Variants in RDH13 observed in about 807,000 individuals in gnomAD.
RDH13 encodes retinol dehydrogenase 13 (all-trans and 9-cis).
A neutral mutation model predicts 28.3 loss-of-function variants in RDH13; 35 were observed. The ratio of observed to expected loss-of-function variants is 1.24; its 90% CI spans 0.95 to 1.64. The LOEUF is 1.64. RDH13 is among the 40% of genes most tolerant of loss of function. The probability of loss-of-function intolerance (pLI) is 0.00; values close to 1 mark genes in which losing one functional copy is unlikely to be tolerated. For missense variants in RDH13, 514 were observed against 446.3 expected (o/e 1.15, Z -1.37); for synonymous variants, 229 against 198.5 (o/e 1.15, Z -1.29).
At chr19:55,043,529 GT>G (rs2075099599), downstream of RDH13, among the ~76,000 whole-genome samples, 1 of 46,434 alleles carries the variant, frequency 2.2e-5, no homozygotes, top group South Asian at 5.8e-4. Flanking sequence ...TTAGCCAGGT[GT>G]GGTGGTGGGC....
intron 1 of RDH13, 108 bp downstream of exon 1, chr19:55,062,860 G>T: frequency 2.0e-6 from 2 of 1,007,062 alleles, no homozygotes; most frequent in Non-Finnish European, 2.7e-6. Flanking sequence ...CGGGTCGGGA[G>T]CTACGGGGCC....
chr19:55,052,829 T>A (rs901308679), intron 3 of RDH13, among the ~76,000 whole-genome samples: 4 of 151,860 alleles, frequency 2.6e-5, no homozygotes, highest in Non-Finnish European at 4.4e-5. Context: ...CCCGGCTAAT[T>A]TTTTTGTGTT....
chr19:55,056,345 C>T (rs1314592192), intron 3 of RDH13, among the ~76,000 whole-genome samples: 1 of 152,114 alleles, frequency 6.6e-6, no homozygotes, highest in Non-Finnish European at 1.5e-5. Flanking sequence ...GCATCTTAAT[C>T]CCAGCTACTC....
intron 3 of RDH13, among the ~76,000 whole-genome samples, chr19:55,054,777 T>C (rs1472896829): frequency 6.6e-6 from 1 of 151,342 alleles, no homozygotes; most frequent in Admixed American, 6.6e-5. Flanking sequence ...AAGGTCTCAC[T>C]ATGCTTCCTA....
upstream of RDH13, chr19:55,063,383 T>A (rs143152047): frequency 2.4e-5 from 7 of 294,440 alleles, no homozygotes; most frequent in Admixed American, 3.1e-4. Flanking sequence ...TGGAGTGAAA[T>A]AGGTTCGAAT....
At chr19:55,051,901 T>G (rs547617627) in intron 3 of RDH13, among the ~76,000 whole-genome samples, 3 of 151,842 alleles carry the variant, frequency 2.0e-5, no homozygotes, top group African/African-American at 7.3e-5. Context: ...GCAGCTACTT[T>G]TAAAATTTTT....
downstream of RDH13, chr19:55,043,057 C>G (rs1183611326): frequency 2.0e-5 from 3 of 152,292 alleles, no homozygotes; most frequent in African/African-American, 7.2e-5. Context: ...AGTTGCCTAC[C>G]AGACTCAGGT....
At chr19:55,050,728 G>A (rs2075400171) in intron 3 of RDH13, 1 of 152,182 alleles carries the variant, frequency 6.6e-6, no homozygotes, top group South Asian at 2.1e-4. Context: ...GCTGAGGGAT[G>A]GGGGTTCAGG....
At chr19:55,041,190 G>A (rs964030565), downstream of RDH13, 3 of 152,258 alleles carry the variant, frequency 2.0e-5, no homozygotes, top group African/African-American at 7.2e-5. Flanking sequence ...TGCCCAGGCT[G>A]GTCTTGAACT....
rs1380371922 is a variant in RDH13, at chr19:55,045,283, T to G, written c.787A>C (p.Ser263Arg). ...CTGGGCTGGGCGGCCAGCTCGGGGC[T>G]CTTGACCAGCAGCCAGAAGATGGGC... ...LGPIFWLLVK[S>R]PELAAQPSTY... Residue 263 changes from serine to arginine, a missense_variant, in exon 7 of 7, where the codon AGC becomes CGC. Coordinates refer to ENST00000415061, the MANE Select transcript of RDH13 (RefSeq NM_001145971.2). The G allele has an allele frequency of 5.0e-6, 8 of 1,612,642 alleles. No individual in the cohort carries two copies. The East Asian group carries it at 1.8e-4, about 36-fold the overall frequency.
chr19:55,068,025 C>A (rs969358084), upstream of RDH13, among the ~76,000 whole-genome samples: 11 of 148,552 alleles, frequency 7.4e-5, no homozygotes, highest in Non-Finnish European at 1.5e-4. Context: ...TCTTTCTCTC[C>A]CCCTCCTGTG....
At chr19:55,045,361 G>T in intron 6 of RDH13, 52 bp from the exon 7 acceptor site, 1 of 1,448,660 alleles carries the variant, frequency 6.9e-7, no homozygotes. Flanking sequence ...AGAGAAGGAA[G>T]GAAGCCCCGC....
upstream of RDH13, among the ~76,000 whole-genome samples, chr19:55,064,653 A>G (rs965910621): frequency 3.8e-4 from 57 of 150,768 alleles, no homozygotes; most frequent in East Asian, 1.8e-3. Flanking sequence ...TCACTGTGTC[A>G]CCCAGGCTGG....
chr19:55,063,385 G>C (rs2075875174), upstream of RDH13: 3 of 293,660 alleles, frequency 1.0e-5, no homozygotes, highest in Admixed American at 5.2e-5. Flanking sequence ...GAGTGAAATA[G>C]GTTCGAATCC....
In RDH13 at chr19:55,048,372, G is replaced by A. The variant is rs1059211; in HGVS notation, c.615C>T (p.Leu205=). Residue 205 remains leucine, a synonymous_variant, in exon 5 of 7, where the codon CTC becomes CTT. Transcript: ENST00000415061. ...GCTCCTTGGTGAAGAGGACGATGGC[G>A]AGCTTGCTCTGGCAGTAGGCGGCTT... ...NTKAAYCQSK[L]AIVLFTKELS... 307,384 of 1,614,070 alleles carry A rather than the reference G, an allele frequency of 0.19. 32,868 individuals are homozygous for A. The highest frequency in any genetic ancestry group is 0.22 in the Non-Finnish European group (261,552 of 1,179,994).
chr19:55,068,016 CTT>C (rs548048839), upstream of RDH13, among the ~76,000 whole-genome samples: 134 of 150,988 alleles, frequency 8.9e-4, no homozygotes, highest in African/African-American at 3.1e-3. Context: ...CTCTCTCCCT[CTT>C]TCTCTCCCCC....
intron 3 of RDH13, among the ~76,000 whole-genome samples, chr19:55,053,105 A>C (rs542692872): frequency 1.3e-5 from 2 of 152,102 alleles, no homozygotes; most frequent in East Asian, 3.9e-4. Flanking sequence ...GGGAAGAGCC[A>C]CAGCTTCCAG....
At position 55,049,255 on chromosome 19, in the gene RDH13, C is replaced by T. The variant is rs182171525; in HGVS notation, c.341-492G>A. On this transcript the variant is annotated intron_variant, in intron 3 of 6. Transcript: ENST00000415061. ...CCGCACCTCCATCTAAGCCTTGGGACTCCTTCCTGCCGGAGCCCCGAGGCC... is the reference window on the plus strand; with the variant it reads ...CCGCACCTCCATCTAAGCCTTGGGATTCCTTCCTGCCGGAGCCCCGAGGCC... Among the ~76,000 whole-genome samples, 136 of 152,286 alleles carry T rather than the reference C, an allele frequency of 8.9e-4. 2 individuals carry two copies. The highest frequency in any genetic ancestry group is 1.0e-4 in the Non-Finnish European group (7 of 68,022).
chr19:55,053,071 T>G (rs1278766715), intron 3 of RDH13, among the ~76,000 whole-genome samples: 3 of 152,194 alleles, frequency 2.0e-5, no homozygotes, highest in Non-Finnish European at 4.4e-5. Flanking sequence ...GCTCTTTGCT[T>G]TGTGTTCTTT....
Sources: allele counts gnomAD v4.1 joint callset (sites outside exome capture counted in the v4.1 genomes callset), GRCh38; gene constraint gnomAD v4.1.1; transcripts MANE v1.5; gene names NCBI Gene and HGNC (gene_info 2026-07-23, HGNC 2026-07-21).